The following PLA2G5 variants were observed in gnomAD, a reference collection of about 807,000 sequenced individuals.
PLA2G5 encodes phospholipase A2 group V.
In PLA2G5, 12 loss-of-function variants were observed where a neutral mutation model predicts 15.9. The observed-to-expected ratio is 0.76, with a 90% CI of 0.48 to 1.23. PLA2G5 has a LOEUF of 1.23. Among genes scored for constraint, PLA2G5 ranks in the 50% most tolerant of loss-of-function variants. The pLI is 0.00. For missense variants in PLA2G5, 169 were observed against 177.1 expected, an observed-to-expected ratio of 0.95 and a Z score of 0.26; for synonymous variants, 71 against 71.4, an observed-to-expected ratio of 0.99 and a Z score of 0.03.
chr1:20,081,028 T>G (rs2015990430), intron 1 of PLA2G5, among the ~76,000 whole-genome samples: 1 of 151,868 alleles, frequency 6.6e-6, no homozygotes, highest in South Asian at 2.1e-4. Context: ...AGACCTGAAC[T>G]GGGAGGTCTT....
At chr1:20,034,468 C>A (rs2013138077) in intron 1 of PLA2G5, among the ~76,000 whole-genome samples, 1 of 152,106 alleles carries the variant, frequency 6.6e-6, no homozygotes, top group East Asian at 1.9e-4. Context: ...TGGATTGGAA[C>A]CACTGCCTGG....
chr1:20,051,783 C>G (rs1388509596), intron 1 of PLA2G5, among the ~76,000 whole-genome samples: 1 of 152,118 alleles, frequency 6.6e-6, no homozygotes, highest in African/African-American at 2.4e-5. Flanking sequence ...GGCCTCATAC[C>G]TAGTCTATAC....
At chr1:20,070,025 C>T (rs1407860385), upstream of PLA2G5, among the ~76,000 whole-genome samples, 1 of 152,136 alleles carries the variant, frequency 6.6e-6, no homozygotes, top group Admixed American at 6.5e-5. Context: ...GGGGTTACTT[C>T]GGGCTGAGGG....
intron 1 of PLA2G5, among the ~76,000 whole-genome samples, chr1:20,047,728 G>A (rs1332970753): frequency 1.7e-5 from 2 of 119,886 alleles, no homozygotes; most frequent in African/African-American, 4.0e-5. Flanking sequence ...TTGTGTGTGT[G>A]TGTGTGTGTG....
intron 2 of PLA2G5, among the ~76,000 whole-genome samples, chr1:20,064,157 T>G (rs1458156568): frequency 6.6e-6 from 1 of 152,136 alleles, no homozygotes; most frequent in Non-Finnish European, 1.5e-5. Flanking sequence ...CCTTTGGAAA[T>G]AGAAAATGGA....
chr1:20,039,672 A>G (rs1245494169), intron 1 of PLA2G5, among the ~76,000 whole-genome samples: 3 of 147,624 alleles, frequency 2.0e-5, no homozygotes, highest in African/African-American at 4.9e-5. Flanking sequence ...GGGGAAGTGG[A>G]GAGAGAGAGA....
chr1:20,082,397 T>C (rs2016079196), intron 1 of PLA2G5, among the ~76,000 whole-genome samples: 1 of 151,658 alleles, frequency 6.6e-6, no homozygotes, highest in Admixed American at 6.5e-5. Context: ...GTTCTTCCCT[T>C]ACCAGCCGAA....
chr1:20,081,323 T>A (rs940983776), intron 1 of PLA2G5, among the ~76,000 whole-genome samples: 1 of 151,778 alleles, frequency 6.6e-6, no homozygotes, highest in African/African-American at 2.4e-5. Flanking sequence ...ACCTCCACCA[T>A]GAAACTGCTT....
chr1:20,086,294 C>T lies in PLA2G5; in HGVS notation c.185+67C>T, dbSNP rs560856733. On this transcript the variant is annotated intron_variant, in intron 3 of 4. Coordinates refer to ENST00000375108, the MANE Select transcript of PLA2G5 (RefSeq NM_000929.3). ...GCACCCATGTTTTCTTATTCAATTC[C>T]ATATCAGTTCTGGAAGATGAGTATT... 2.5e-5 allele frequency: 38 copies of T among 1,508,150 alleles called. No homozygotes were observed. In the South Asian group the frequency reaches 4.4e-4, roughly 17 times the overall value. The allele number at this position is 1,508,150 out of a possible 1,614,324, so 93.4% of individuals were successfully genotyped here.
chr1:20,056,253 A>G (rs2014427497), intron 1 of PLA2G5, among the ~76,000 whole-genome samples: 1 of 151,924 alleles, frequency 6.6e-6, no homozygotes, highest in Admixed American at 6.6e-5. Context: ...CCTTCCTTCT[A>G]AAGATCCACT....
intron 1 of PLA2G5, among the ~76,000 whole-genome samples, chr1:20,079,639 G>T (rs562800393): frequency 3.9e-5 from 6 of 152,270 alleles, no homozygotes; most frequent in Admixed American, 6.5e-5. Flanking sequence ...GCCTCCCAGG[G>T]TGAGCCATTG....
intron 1 of PLA2G5, among the ~76,000 whole-genome samples, chr1:20,038,144 G>A (rs1409445465): frequency 5.3e-5 from 8 of 152,104 alleles, no homozygotes; most frequent in Non-Finnish European, 1.5e-5. Context: ...CTGGTGAGTA[G>A]GGCTGAGATT....
chr1:20,070,562 G>A (rs1166411583), intron 1 of PLA2G5, 97 bp downstream of exon 1: 2 of 726,584 alleles, frequency 2.8e-6, no homozygotes, highest in Non-Finnish European at 3.4e-6. Flanking sequence ...GAGCCCAAGA[G>A]GAGGCCCAGG....
intron 2 of PLA2G5, among the ~76,000 whole-genome samples, chr1:20,061,659 C>T (rs1020056268): frequency 2.0e-5 from 3 of 149,360 alleles, no homozygotes; most frequent in East Asian, 2.0e-4. Flanking sequence ...TTGAAATAAA[C>T]AGGGCCTAAA....
chr1:20,038,820 G>A (rs1272947847), intron 1 of PLA2G5, among the ~76,000 whole-genome samples: 1 of 152,224 alleles, frequency 6.6e-6, no homozygotes, highest in Non-Finnish European at 1.5e-5. Flanking sequence ...GGGCAACTAA[G>A]TGGCCTAGAC....
intron 1 of PLA2G5, among the ~76,000 whole-genome samples, chr1:20,081,714 G>A (rs1410188753): frequency 1.3e-5 from 2 of 151,834 alleles, no homozygotes; most frequent in African/African-American, 4.9e-5. Flanking sequence ...CAAGGCACTG[G>A]TTGTGTCAGC....
chr1:20,069,006 TGAA>T (rs745427547), upstream of PLA2G5: 2 of 1,149,324 alleles, frequency 1.7e-6, no homozygotes, highest in Middle Eastern at 2.2e-4. Flanking sequence ...GACCATTCGT[TGAA>T]GAAGAAATCC....
intron 1 of PLA2G5, among the ~76,000 whole-genome samples, chr1:20,038,760 A>G (rs2013421040): frequency 6.6e-6 from 1 of 152,208 alleles, no homozygotes; most frequent in South Asian, 2.1e-4. Context: ...CATGGGTGAC[A>G]GATTGAGACC....
chr1:20,074,481 G>A (rs1224389866), intron 1 of PLA2G5, among the ~76,000 whole-genome samples: 1 of 152,168 alleles, frequency 6.6e-6, no homozygotes, highest in Non-Finnish European at 1.5e-5. Flanking sequence ...TAGAACCGAG[G>A]CTTCATAACT....
Sources: allele counts gnomAD v4.1 joint callset (sites outside exome capture counted in the v4.1 genomes callset), GRCh38; gene constraint gnomAD v4.1.1; transcripts MANE v1.5; gene names NCBI Gene and HGNC (gene_info 2026-07-23, HGNC 2026-07-21).